NHSL2: variants seen among roughly 807,000 people sequenced by gnomAD.
The protein encoded by NHSL2 is NHS like 2.
A neutral mutation model predicts 53.4 loss-of-function variants in NHSL2; 27 were observed. The observed-to-expected ratio is 0.51, with a 90% confidence interval of 0.37 to 0.70. The LOEUF (loss-of-function observed/expected upper bound fraction) is 0.70, where lower values mean the gene tolerates loss of function less well. Among genes scored for constraint, NHSL2 ranks in the 30% least tolerant of loss-of-function variants. The probability of loss-of-function intolerance (pLI) is 0.00; values close to 1 mark genes in which losing one functional copy is unlikely to be tolerated. For missense variants in NHSL2, 892 were observed against 980.1 expected (o/e 0.91, Z 1.20); for synonymous variants, 408 against 404.1 (o/e 1.01, Z -0.12).
Position 72,139,305 on chromosome X carries a change from C to G in NHSL2, c.1757C>G (p.Pro586Arg), listed in dbSNP as rs756801333. The G allele has an allele frequency of 8.3e-7, 1 of 1,208,687 alleles. No individual in the cohort carries two copies. Among genetic ancestry groups the G allele is most frequent in the Admixed American group, 2.2e-5 (1 of 45,735 alleles). Residue 586 changes from proline to arginine, a missense_variant, in exon 6 of 8, where the codon CCT (proline) becomes CGT (arginine). Physicochemically the swap from Pro to Arg is moderately radical, Grantham distance 103. Transcript: ENST00000633930. ...GTCAAAGATGAGCCAGGCCTCTTGC[C>G]TGAAGGTGGGTCAGCACTACCCAAG... ...SLVKDEPGLL[P>R]EGGSALPKDQ...
intron 7 of NHSL2, 136 bp downstream of exon 7, chrX:72,142,500 T>A: frequency 4.0e-6 from 2 of 498,233 alleles, no homozygotes; most frequent in Non-Finnish European, 6.3e-6. Flanking sequence ...CTGCTACCTT[T>A]AAGCAGCCAT....
chrX:72,111,674 C>T (rs968607791), intron 1 of NHSL2, among the ~76,000 whole-genome samples: 1 of 112,016 alleles, frequency 8.9e-6, no homozygotes, highest in African/African-American at 3.3e-5. Context: ...GGAGGGGCTA[C>T]ACAACCCCTT....
intron 1 of NHSL2, among the ~76,000 whole-genome samples, chrX:71,968,906 A>G (rs1373746335): frequency 8.9e-6 from 1 of 112,281 alleles, no homozygotes; most frequent in East Asian, 2.8e-4. Flanking sequence ...TGCTAGCACC[A>G]TGCAGTCTTG....
chrX:71,918,922 G>A (rs1052593253), intron 1 of NHSL2, among the ~76,000 whole-genome samples: 1 of 111,843 alleles, frequency 8.9e-6, no homozygotes, highest in Non-Finnish European at 1.9e-5. Flanking sequence ...GAATTATAAG[G>A]CTACATGGAA....
intron 1 of NHSL2, among the ~76,000 whole-genome samples, chrX:72,068,050 C>G (rs999710533): frequency 1.8e-5 from 2 of 111,872 alleles, no homozygotes; most frequent in Non-Finnish European, 3.8e-5. Context: ...GAAGGTATCT[C>G]TAGACCTTCC....
At chrX:72,039,070 T>C (rs571645414) in intron 1 of NHSL2, among the ~76,000 whole-genome samples, 2 of 25,196 alleles carry the variant, frequency 7.9e-5, no homozygotes, top group East Asian at 8.3e-4. Context: ...TCTTTTCTTT[T>C]CCTTTCCTTT....
chrX:72,025,993 C>T lies in NHSL2; in HGVS notation c.281-106086C>T, dbSNP rs1439814082. On this transcript the variant is annotated intron_variant, in intron 1 of 7. Coordinates refer to ENST00000633930, the MANE Select transcript of NHSL2 (RefSeq NM_001013627.3). The stretch of plus-strand genomic sequence containing the variant: ...ATTCAGTGAAGTAATACACATAAAG[C>T]ACTTGGCACTGTGCCTTGAGCTGTG... Among the ~76,000 whole-genome samples, 4 of 112,388 alleles carry T rather than the reference C, an allele frequency of 3.6e-5. No individual in the cohort carries two copies. In the East Asian group the frequency reaches 1.1e-3, roughly 31 times the overall value.
At chrX:72,095,833 A>G (rs2041939408) in intron 1 of NHSL2, among the ~76,000 whole-genome samples, 1 of 111,933 alleles carries the variant, frequency 8.9e-6, no homozygotes, top group Admixed American at 9.5e-5. Flanking sequence ...GAGAGCAATA[A>G]CACAGGGTTA....
intron 1 of NHSL2, among the ~76,000 whole-genome samples, chrX:72,068,554 G>T (rs756970416): frequency 8.9e-6 from 1 of 112,542 alleles, no homozygotes; most frequent in African/African-American, 3.2e-5. Flanking sequence ...CAGGCTGCTG[G>T]GGCTGGAATG....
At position 72,049,009 on chromosome X, in the gene NHSL2, A is replaced by AAGAG. The variant is rs1556340804; in HGVS notation, c.281-83070_281-83069insAGAG. Reference sequence around the variant, plus strand: ...GAGGAGAAGAAGAAGAAGAAGAAGAAGAAGAGGAAGAGGAAGAGGAAGAGG... The same window carrying AAGAG: ...GAGGAGAAGAAGAAGAAGAAGAAGAAAGAGGAAGAGGAAGAGGAAGAGGAAGAGG... On this transcript the variant is annotated intron_variant, in intron 1 of 7. Transcript: ENST00000633930. 6.6e-3 allele frequency among the ~76,000 whole-genome samples: 567 copies of AAGAG among 86,157 alleles called. 2 individuals are homozygous for AAGAG. The highest frequency in any genetic ancestry group is 0.011 in the Middle Eastern group (2 of 190). 74.8% of individuals were successfully genotyped at this position (86,157 alleles called of 115,157 possible). A position where few individuals can be genotyped will look rare whatever the true frequency, so the allele number is the denominator to read the frequency against.
chrX:71,932,100 A>T (rs1021008597), intron 1 of NHSL2, among the ~76,000 whole-genome samples: 2 of 112,282 alleles, frequency 1.8e-5, no homozygotes, highest in African/African-American at 6.5e-5. Context: ...AGAAGCAGAC[A>T]TTAGTCAAAT....
chrX:72,058,206 G>A (rs769828159), intron 1 of NHSL2, among the ~76,000 whole-genome samples: 1 of 112,597 alleles, frequency 8.9e-6, no homozygotes, highest in East Asian at 2.8e-4. Context: ...TGAACAAAAT[G>A]AGCCTGTTGC....
intron 1 of NHSL2, among the ~76,000 whole-genome samples, chrX:71,983,307 A>T (rs1169341367): frequency 9.0e-6 from 1 of 110,523 alleles, no homozygotes; most frequent in Non-Finnish European, 1.9e-5. Flanking sequence ...CGCGAATTAT[A>T]TCTCAGTATA....
intron 1 of NHSL2, among the ~76,000 whole-genome samples, chrX:72,027,894 T>C (rs1397031328): frequency 1.8e-5 from 2 of 111,017 alleles, no homozygotes; most frequent in African/African-American, 6.6e-5. Context: ...GCTTGGTCCA[T>C]GCAGCCTGGC....
chrX:72,051,130 TTA>T (rs2042338260), intron 1 of NHSL2, among the ~76,000 whole-genome samples: 1 of 112,142 alleles, frequency 8.9e-6, no homozygotes, highest in Non-Finnish European at 1.9e-5. Flanking sequence ...TCACTCAGTG[TTA>T]TGTTTTTTGG....
intron 1 of NHSL2, among the ~76,000 whole-genome samples, chrX:71,942,656 A>G (rs1388340575): frequency 8.9e-6 from 1 of 112,758 alleles, no homozygotes; most frequent in African/African-American, 3.2e-5. Flanking sequence ...TAGAAAAGGA[A>G]GTTTATTTAA....
chrX:72,006,227 A>G (rs2042093993), intron 1 of NHSL2, among the ~76,000 whole-genome samples: 1 of 111,772 alleles, frequency 8.9e-6, no homozygotes, highest in African/African-American at 3.3e-5. Flanking sequence ...GGCTTTCATC[A>G]TGTCCCTTCC....
At chrX:72,134,039 G>A in intron 2 of NHSL2, 52 bp from the exon 3 acceptor site, 1 of 1,148,191 alleles carries the variant, frequency 8.7e-7, no homozygotes, top group South Asian at 1.9e-5. Flanking sequence ...CCCCGGCCCA[G>A]CGCTCGGCCA....
intron 1 of NHSL2, among the ~76,000 whole-genome samples, chrX:72,095,319 A>C (rs762878550): frequency 8.9e-6 from 1 of 112,516 alleles, no homozygotes; most frequent in African/African-American, 3.2e-5. Context: ...TGTTATGTAA[A>C]AGAAATCTTC....
Sources: gnomAD v4.1 joint callset for allele counts (sites outside exome capture counted in the v4.1 genomes callset) on GRCh38, gnomAD v4.1.1 for gene constraint, MANE v1.5 for transcripts, NCBI Gene and HGNC (gene_info 2026-07-23, HGNC 2026-07-21) for gene names.